Variants in PIP5K1A observed in about 807,000 individuals in gnomAD.
PIP5K1A encodes phosphatidylinositol-4-phosphate 5-kinase type 1 alpha, also known as phosphatidylinositol 4-phosphate 5-kinase type-1 alpha.
PIP5K1A carries 46 observed loss-of-function variants against 72.9 expected under a neutral mutation model. That is an observed-to-expected ratio of 0.63 (90% CI 0.50 to 0.81). The LOEUF (loss-of-function observed/expected upper bound fraction) is 0.81, where lower values mean the gene tolerates loss of function less well. Ranked by LOEUF, PIP5K1A falls within the 30% of genes least tolerant of loss-of-function variation. The pLI is 0.00. For missense variants in PIP5K1A, 458 were observed against 706.1 expected, an observed-to-expected ratio of 0.65 and a Z score of 3.98; for synonymous variants, 228 against 255.1, an observed-to-expected ratio of 0.89 and a Z score of 1.01.
intron 4 of PIP5K1A, 57 bp downstream of exon 4, chr1:151,227,457 G>C: frequency 8.9e-7 from 1 of 1,120,988 alleles, no homozygotes; most frequent in Non-Finnish European, 1.4e-6. Flanking sequence ...CTTACTCTGG[G>C]AACTCAGTCT....
At chr1:151,205,332 C>G (rs587653015) in intron 1 of PIP5K1A, among the ~76,000 whole-genome samples, 4 of 152,092 alleles carry the variant, frequency 2.6e-5, no homozygotes, top group African/African-American at 9.7e-5. Flanking sequence ...TGCGCCACCA[C>G]GCCCAGATAA....
intron 1 of PIP5K1A, chr1:151,199,297 G>A (rs1003774661): frequency 8.7e-6 from 8 of 917,800 alleles, no homozygotes; most frequent in African/African-American, 1.7e-5. Context: ...TGTCTTTGAG[G>A]AGGACGGATG....
At position 151,247,994 on chromosome 1, in the gene PIP5K1A, G is replaced by A. The variant is rs1405650192; in HGVS notation, c.*129G>A. ...AAAAAAGGAGTGTAATAGAAGTGAGGGGAGCTGCTCCTCCATCTTCTTCCT... is the reference window on the plus strand; with the variant it reads ...AAAAAAGGAGTGTAATAGAAGTGAGAGGAGCTGCTCCTCCATCTTCTTCCT... On this transcript the variant is annotated 3_prime_UTR_variant, in exon 16 of 16. Coordinates refer to ENST00000368888, the MANE Select transcript of PIP5K1A (RefSeq NM_001135638.2). The A allele has an allele frequency of 1.3e-6, 1 of 799,700 alleles. No individual in the cohort carries two copies. The highest frequency in any genetic ancestry group is 2.2e-6 in the Non-Finnish European group (1 of 461,984). 49.5% of individuals were successfully genotyped at this position (799,700 alleles called of 1,614,324 possible). A position where few individuals can be genotyped will look rare whatever the true frequency, so the allele number is the denominator to read the frequency against.
intron 15 of PIP5K1A, 55 bp downstream of exon 15, chr1:151,247,020 A>G (rs1692603553): frequency 9.0e-6 from 11 of 1,226,022 alleles, no homozygotes; most frequent in Non-Finnish European, 4.7e-6. Flanking sequence ...AAAGAGGATC[A>G]CTGATGGCCT....
chr1:151,231,549 C>T, intron 4 of PIP5K1A, 122 bp from the exon 5 acceptor site: 2 of 810,586 alleles, frequency 2.5e-6, no homozygotes, highest in Non-Finnish European at 4.1e-6. Context: ...TTTATCTGAA[C>T]TATTGCTCAG....
intron 11 of PIP5K1A, 66 bp downstream of exon 11, chr1:151,239,244 A>G: frequency 1.0e-6 from 1 of 995,096 alleles, no homozygotes; most frequent in Non-Finnish European, 1.5e-6. Context: ...GATTGGCCTC[A>G]GTTTCTTGCA....
At chr1:151,219,462 G>C (rs184959876) in intron 1 of PIP5K1A, among the ~76,000 whole-genome samples, 1 of 151,604 alleles carries the variant, frequency 6.6e-6, no homozygotes, top group Non-Finnish European at 1.5e-5. Context: ...TGAGGCGGGC[G>C]GGTCATCTGC....
chr1:151,211,174 C>T (rs1236896967), intron 1 of PIP5K1A, among the ~76,000 whole-genome samples: 1 of 152,206 alleles, frequency 6.6e-6, no homozygotes, highest in African/African-American at 2.4e-5. Context: ...TTGTTCCACA[C>T]ACTAGAGTGA....
intron 1 of PIP5K1A, among the ~76,000 whole-genome samples, chr1:151,207,295 A>G (rs1350666518): frequency 6.6e-6 from 1 of 152,204 alleles, no homozygotes; most frequent in Admixed American, 6.5e-5. Flanking sequence ...TGGGTAGCTT[A>G]TTCAGGAAAC....
At chr1:151,224,480 A>C in intron 3 of PIP5K1A, 74 bp downstream of exon 3, 2 of 1,103,144 alleles carry the variant, frequency 1.8e-6, no homozygotes, top group Admixed American at 1.8e-5. Flanking sequence ...ACATTTATTG[A>C]GCATTTTTAA....
chr1:151,227,480 T>C lies in PIP5K1A; in HGVS notation c.237+80T>C. 3 of 858,274 alleles carry C rather than the reference T, an allele frequency of 3.5e-6. No individual in the cohort carries two copies. In the South Asian group the frequency reaches 4.1e-5, roughly 12 times the overall value. 53.2% of individuals were successfully genotyped at this position (858,274 alleles called of 1,614,324 possible). On this transcript the variant is annotated intron_variant, in intron 4 of 15. Coordinates refer to ENST00000368888, the MANE Select transcript of PIP5K1A (RefSeq NM_001135638.2). The stretch of plus-strand genomic sequence containing the variant: ...GGGAACTCAGTCTCCTTGAAATTAC[T>C]CTCCATGTACTGTCCTGTTTCTTGA...
intron 1 of PIP5K1A, among the ~76,000 whole-genome samples, chr1:151,206,906 C>T (rs1686015124): frequency 1.3e-5 from 2 of 151,622 alleles, no homozygotes; most frequent in Admixed American, 6.6e-5. Flanking sequence ...GCCATGTTCG[C>T]CAGGCTGGTC....
intron 1 of PIP5K1A, among the ~76,000 whole-genome samples, chr1:151,210,696 C>T (rs1280020379): frequency 6.6e-6 from 1 of 152,134 alleles, no homozygotes; most frequent in Admixed American, 6.6e-5. Flanking sequence ...AGTGATTCTC[C>T]TGCCTCAGCC....
intron 1 of PIP5K1A, among the ~76,000 whole-genome samples, chr1:151,206,659 G>A (rs896723418): frequency 6.6e-6 from 1 of 152,038 alleles, no homozygotes; most frequent in African/African-American, 2.4e-5. Context: ...TCCACCTCCC[G>A]GGTTGAAGCG....
intron 7 of PIP5K1A, chr1:151,233,690 T>A (rs1177099276): frequency 6.5e-6 from 1 of 153,516 alleles, no homozygotes; most frequent in Admixed American, 6.5e-5. Context: ...TCCTCCTGTT[T>A]GGCCTCCCAA....
At chr1:151,241,616 C>T (rs1571003419) in intron 12 of PIP5K1A, among the ~76,000 whole-genome samples, 1 of 152,082 alleles carries the variant, frequency 6.6e-6, no homozygotes. Context: ...GCCTGACCAA[C>T]ATGGTGAAAC....
chr1:151,200,811 G>GTAT (rs1685114232), intron 1 of PIP5K1A, among the ~76,000 whole-genome samples: 3 of 117,952 alleles, frequency 2.5e-5, no homozygotes, highest in Non-Finnish European at 5.6e-5. Context: ...AAAGTGACAG[G>GTAT]GTATTTATTT....
chr1:151,240,108 G>A, intron 12 of PIP5K1A, 69 bp downstream of exon 12: 2 of 1,089,918 alleles, frequency 1.8e-6, no homozygotes, highest in Admixed American at 1.8e-5. Context: ...AGAACAGAGG[G>A]CAGGACACCT....
chr1:151,239,534 A>G (rs1691382859), intron 11 of PIP5K1A, among the ~76,000 whole-genome samples: 1 of 149,122 alleles, frequency 6.7e-6, no homozygotes, highest in Non-Finnish European at 1.5e-5. Context: ...TGGCCTCCCA[A>G]AGTGCTGAGT....
Sources: allele counts gnomAD v4.1 joint callset (sites outside exome capture counted in the v4.1 genomes callset), GRCh38; gene constraint gnomAD v4.1.1; transcripts MANE v1.5; gene names NCBI Gene and HGNC (gene_info 2026-07-23, HGNC 2026-07-21).